The following COL19A1 variants were observed in gnomAD, a reference collection of about 807,000 sequenced individuals.
The protein encoded by COL19A1 is collagen alpha-1(XIX) chain.
COL19A1 carries 159 observed loss-of-function variants against 190.2 expected under a neutral mutation model. The ratio of observed to expected loss-of-function variants is 0.84; its 90% CI spans 0.73 to 0.95. COL19A1 has a LOEUF of 0.95. Among genes scored for constraint, COL19A1 ranks in the 40% least tolerant of loss-of-function variants. COL19A1 has a pLI of 0.00. For synonymous variants in COL19A1, 509 were observed against 458.9 expected (o/e 1.11, Z -1.39); for missense variants, 1,418 against 1,431.9 (o/e 0.99, Z 0.16).
intron 14 of COL19A1, among the ~76,000 whole-genome samples, chr6:70,051,965 A>G (rs1173932860): frequency 2.0e-5 from 3 of 152,084 alleles, no homozygotes; most frequent in Non-Finnish European, 4.4e-5. Context: ...GCAAACTCAA[A>G]CAGCCGAATA....
chr6:70,182,416 T>G (rs1296443312), intron 44 of COL19A1, among the ~76,000 whole-genome samples: 1 of 152,162 alleles, frequency 6.6e-6, no homozygotes, highest in African/African-American at 2.4e-5. Context: ...GATGGAGCAC[T>G]AGCAGGTATT....
chr6:69,960,331 A>G (rs1774699599), intron 10 of COL19A1, among the ~76,000 whole-genome samples: 1 of 152,184 alleles, frequency 6.6e-6, no homozygotes, highest in Non-Finnish European at 1.5e-5. Flanking sequence ...TTCTGCTTTT[A>G]TTAGTCAGAG....
At chr6:70,179,462 GGTCT>G (rs1474824152) in intron 42 of COL19A1, among the ~76,000 whole-genome samples, 1 of 152,116 alleles carries the variant, frequency 6.6e-6, no homozygotes, top group Admixed American at 6.5e-5. Flanking sequence ...CCCTCGCTGT[GGTCT>G]GTCTGCTCCA....
chr6:69,876,630 C>A (rs1768149378), intron 1 of COL19A1, among the ~76,000 whole-genome samples: 1 of 152,118 alleles, frequency 6.6e-6, no homozygotes, highest in South Asian at 2.1e-4. Context: ...AGCTTTTCCA[C>A]AAGTAGCAGA....
intron 15 of COL19A1, among the ~76,000 whole-genome samples, chr6:70,078,272 G>A (rs1469785782): frequency 6.6e-6 from 1 of 152,198 alleles, no homozygotes; most frequent in East Asian, 1.9e-4. Flanking sequence ...CCTGTTTTGT[G>A]TGACATACCA....
chr6:70,190,654 T>C (rs1300423159), intron 48 of COL19A1, among the ~76,000 whole-genome samples: 1 of 152,210 alleles, frequency 6.6e-6, no homozygotes, highest in Non-Finnish European at 1.5e-5. Context: ...CTTTGAGTAT[T>C]TTTCAATATC....
chr6:70,034,730 C>CT (rs1779257325), intron 13 of COL19A1, among the ~76,000 whole-genome samples: 1 of 152,090 alleles, frequency 6.6e-6, no homozygotes, highest in African/African-American at 2.4e-5. Flanking sequence ...TAAGTTATTT[C>CT]ATAATGACAT....
At chr6:70,156,566 C>A in intron 33 of COL19A1, 104 bp from the exon 34 acceptor site, 1 of 1,280,278 alleles carries the variant, frequency 7.8e-7, no homozygotes, top group Non-Finnish European at 1.1e-6. Flanking sequence ...TTCCCTGACC[C>A]TGTCCAAATT....
At chr6:70,109,593 G>A (rs1261330021) in intron 16 of COL19A1, among the ~76,000 whole-genome samples, 1 of 148,084 alleles carries the variant, frequency 6.8e-6, no homozygotes, top group Non-Finnish European at 1.5e-5. Context: ...TATCTGCAGC[G>A]GTTTGATTTT....
intron 7 of COL19A1, among the ~76,000 whole-genome samples, chr6:69,933,607 C>A (rs1772920451): frequency 1.3e-5 from 2 of 151,986 alleles, no homozygotes; most frequent in Non-Finnish European, 2.9e-5. Flanking sequence ...CCAACCTAAC[C>A]ATACAACTGT....
chr6:70,162,074 C>A (rs1441050189), intron 35 of COL19A1, 121 bp downstream of exon 35: 11 of 837,752 alleles, frequency 1.3e-5, no homozygotes, highest in Non-Finnish European at 1.9e-5. Context: ...CCAGATATTG[C>A]CTGGAAAAGT....
At chr6:69,964,346 G>A (rs1261927876) in intron 11 of COL19A1, among the ~76,000 whole-genome samples, 1 of 151,998 alleles carries the variant, frequency 6.6e-6, no homozygotes, top group Non-Finnish European at 1.5e-5. Context: ...GAAATCCCTT[G>A]AACATTTTTG....
intron 15 of COL19A1, among the ~76,000 whole-genome samples, chr6:70,077,412 A>G (rs556800747): frequency 1.2e-4 from 19 of 152,294 alleles, no homozygotes; most frequent in African/African-American, 4.6e-4. Context: ...GAAATACCTT[A>G]GAAACTACTT....
rs187225154 is a variant in COL19A1, at chr6:70,181,909, C to T, written c.2775+1386C>T. ...CAAAAGGCATGAAGTCAAGAATGAA[C>T]GAAGTGAAGGAAGAGTTGGAAAGAT... is the stretch of plus-strand genomic sequence containing the variant. On this transcript the variant is annotated intron_variant, in intron 44 of 50. Coordinates refer to ENST00000620364, the MANE Select transcript of COL19A1 (RefSeq NM_001858.6). Among the ~76,000 whole-genome samples, 17 of 152,060 alleles carry T rather than the reference C, an allele frequency of 1.1e-4. No individual in the cohort carries two copies. The East Asian group carries it at 2.9e-3, about 26-fold the overall frequency.
chr6:69,903,303 G>T (rs181012542), intron 4 of COL19A1, among the ~76,000 whole-genome samples: 2 of 152,274 alleles, frequency 1.3e-5, no homozygotes, highest in Admixed American at 1.3e-4. Flanking sequence ...GAGTGGTGGG[G>T]GTGCCTCAGG....
intron 49 of COL19A1, among the ~76,000 whole-genome samples, chr6:70,202,660 C>A (rs1038806381): frequency 6.6e-6 from 1 of 152,014 alleles, no homozygotes; most frequent in Admixed American, 6.6e-5. Flanking sequence ...GTGAGAAAAT[C>A]GACGTCAGAC....
chr6:70,180,435 A>C (rs1037644624), intron 43 of COL19A1, 26 bp from the exon 44 acceptor site: 1 of 1,614,006 alleles, frequency 6.2e-7, no homozygotes, highest in African/African-American at 1.3e-5. Context: ...TTGGCAATTA[A>C]TTTGTGTCTG....
chr6:70,008,349 G>A (rs1777763696), intron 11 of COL19A1, among the ~76,000 whole-genome samples: 1 of 151,458 alleles, frequency 6.6e-6, no homozygotes, highest in South Asian at 2.1e-4. Context: ...CTACAATGAG[G>A]GAGGGGACAC....
rs757484973 is a variant in COL19A1, at chr6:70,059,801, A to C, written c.1171-8622A>C. ...CTCAAATGTCTCTTTCAGAAAAGTG[A>C]TAAATCTGTATGTGTGCAAAATTTT... On this transcript the variant is annotated intron_variant, in intron 14 of 50. Transcript: ENST00000620364. 14 of 526,940 alleles carry C rather than the reference A, an allele frequency of 2.7e-5. No homozygotes were observed. In the Admixed American group the frequency reaches 2.8e-4, roughly 10 times the overall value. 32.6% of individuals were successfully genotyped at this position (526,940 alleles called of 1,614,324 possible). A position where few individuals can be genotyped will look rare whatever the true frequency, so the allele number is the denominator to read the frequency against.
Sources: allele counts gnomAD v4.1 joint callset (sites outside exome capture counted in the v4.1 genomes callset), GRCh38; gene constraint gnomAD v4.1.1; transcripts MANE v1.5; gene names NCBI Gene and HGNC (gene_info 2026-07-23, HGNC 2026-07-21).